SP2: variants seen among roughly 807,000 people sequenced by gnomAD.
The protein encoded by SP2 is transcription factor Sp2.
A neutral mutation model predicts 50.1 loss-of-function variants in SP2; 9 were observed. The ratio of observed to expected loss-of-function variants is 0.18; its 90% CI spans 0.11 to 0.31. The LOEUF is 0.31. Ranked by LOEUF, SP2 falls within the 10% of genes least tolerant of loss-of-function variation. SP2 has a pLI of 1.00. For missense variants in SP2, 581 were observed against 806.5 expected, an observed-to-expected ratio of 0.72 and a Z score of 3.39; for synonymous variants, 313 against 326.6, an observed-to-expected ratio of 0.96 and a Z score of 0.45.
chr17:47,909,243 AC>A (rs1459156905), intron 1 of SP2, among the ~76,000 whole-genome samples: 1 of 152,166 alleles, frequency 6.6e-6, no homozygotes, highest in African/African-American at 2.4e-5. Context: ...TTGTTCTATG[AC>A]TGAACTTTTA....
chr17:47,904,087 C>A (rs1432944319), intron 1 of SP2, among the ~76,000 whole-genome samples: 2 of 151,868 alleles, frequency 1.3e-5, no homozygotes, highest in Non-Finnish European at 2.9e-5. Context: ...ACAGTGAAAC[C>A]CTGTCTCTAC....
Position 47,928,198 on chromosome 17 carries a change from G to A in SP2, c.*374G>A, listed in dbSNP as rs1363151523. On this transcript the variant is annotated 3_prime_UTR_variant, in exon 7 of 7. Transcript: ENST00000376741. ...CCCGATCCCCGCTCCCAACACTGCCGGAGTCGCGTCATGCCATGCCCCCTC... is the reference window on the plus strand; with the variant it reads ...CCCGATCCCCGCTCCCAACACTGCCAGAGTCGCGTCATGCCATGCCCCCTC... The A allele has an allele frequency of 5.4e-5, 9 of 167,126 alleles. 1 individual carries two copies. In the South Asian group the frequency reaches 6.4e-4, roughly 12 times the overall value. 10.4% of individuals were successfully genotyped at this position (167,126 alleles called of 1,614,324 possible).
chr17:47,915,085 C>T (rs1302948871), intron 1 of SP2, among the ~76,000 whole-genome samples: 1 of 151,856 alleles, frequency 6.6e-6, no homozygotes, highest in Admixed American at 6.6e-5. Context: ...ATGGTGGCAG[C>T]GCCTGTAATC....
In SP2 at chr17:47,919,666, A is replaced by G. The variant is rs115762042; in HGVS notation, c.1059+2536A>G. Among the ~76,000 whole-genome samples the G allele has an allele frequency of 4.3e-3, 648 of 152,174 alleles. 5 individuals carry two copies. The highest frequency in any genetic ancestry group is 0.015 in the African/African-American group (628 of 41,518). Reference sequence around the variant, plus strand: ...TTACCACAATACAATCGTCAAACCCAGGAAATTAGCAGTGAAACACACTGC... The same window carrying G: ...TTACCACAATACAATCGTCAAACCCGGGAAATTAGCAGTGAAACACACTGC... On this transcript the variant is annotated intron_variant, in intron 3 of 6. Transcript: ENST00000376741.
chr17:47,896,846 G>A (rs1037100328), intron 1 of SP2, among the ~76,000 whole-genome samples: 39 of 152,184 alleles, frequency 2.6e-4, no homozygotes, highest in African/African-American at 8.7e-4. Context: ...ACGACAGCCC[G>A]GTTACTGATA....
chr17:47,907,353 T>C (rs2034805072), intron 1 of SP2, among the ~76,000 whole-genome samples: 1 of 152,152 alleles, frequency 6.6e-6, no homozygotes, highest in Non-Finnish European at 1.5e-5. Context: ...TGGTTTCCAA[T>C]ATGGGAAAGG....
intron 1 of SP2, chr17:47,909,577 A>G (rs747564723): frequency 1.8e-5 from 6 of 331,226 alleles, no homozygotes; most frequent in Non-Finnish European, 2.6e-5. Flanking sequence ...TTAAAGCCAT[A>G]TATGCCTTTA....
downstream of SP2, among the ~76,000 whole-genome samples, chr17:47,930,126 C>T (rs1423353186): frequency 6.6e-6 from 1 of 152,242 alleles, no homozygotes; most frequent in African/African-American, 2.4e-5. Context: ...ACAGAAGCCT[C>T]TTCCTCAGCC....
At chr17:47,909,674 G>C (rs781712921) in intron 1 of SP2, 1 of 981,856 alleles carries the variant, frequency 1.0e-6, no homozygotes, top group Non-Finnish European at 1.2e-6. Flanking sequence ...AGGGCACTAG[G>C]AGGAGGCTAA....
intron 4 of SP2, among the ~76,000 whole-genome samples, chr17:47,924,559 T>C (rs1265798811): frequency 6.6e-6 from 1 of 152,242 alleles, no homozygotes; most frequent in Non-Finnish European, 1.5e-5. Context: ...GCTGAAATCA[T>C]GTTGGCAATA....
chr17:47,928,061 C>G lies in SP2; in HGVS notation c.*237C>G. The G allele has an allele frequency of 2.0e-6, 1 of 503,436 alleles. No homozygotes were observed. Among genetic ancestry groups the G allele is most frequent in the Non-Finnish European group, 3.6e-6 (1 of 278,132 alleles). 31.2% of individuals were successfully genotyped at this position (503,436 alleles called of 1,614,324 possible). On this transcript the variant is annotated 3_prime_UTR_variant, in exon 7 of 7. Transcript: ENST00000376741. ...TCCCGGCCTGCCCAGACTGTGGACA[C>G]TGGCCGTGCCCAATGAGACGTTCTA...
rs1567704116 is a variant in SP2 at position 47,925,329 on chromosome 17, C to T, written c.1548-19C>T. 1 of 1,604,920 alleles carries T rather than the reference C, an allele frequency of 6.2e-7. No individual in the cohort carries two copies. The highest frequency in any genetic ancestry group is 8.5e-7 in the Non-Finnish European group (1 of 1,174,188). On this transcript the variant is annotated intron_variant, in intron 5 of 6. Transcript: ENST00000376741. ...TCCTCTTCCTATTCCCTCCACTCCA[C>T]CCTCACCCCAATTCTCAGGTCTGGA...
At chr17:47,905,239 A>G (rs950497808) in intron 1 of SP2, among the ~76,000 whole-genome samples, 9 of 152,230 alleles carry the variant, frequency 5.9e-5, no homozygotes, top group African/African-American at 2.2e-4. Context: ...CAGCCAGGGC[A>G]TGCTTTTCCC....
intron 1 of SP2, among the ~76,000 whole-genome samples, chr17:47,904,376 G>A (rs1019649604): frequency 6.6e-6 from 1 of 152,112 alleles, no homozygotes; most frequent in African/African-American, 2.4e-5. Context: ...AGCCTGGTTG[G>A]AGCAGGTTTA....
intron 5 of SP2, 99 bp from the exon 6 acceptor site, chr17:47,925,249 T>G: frequency 7.1e-7 from 1 of 1,413,400 alleles, no homozygotes; most frequent in Non-Finnish European, 9.7e-7. Context: ...CTCTCTGACC[T>G]GACCCCACAT....
At chr17:47,924,207 GACA>G in intron 4 of SP2, among the ~76,000 whole-genome samples, 1 of 151,978 alleles carries the variant, frequency 6.6e-6, no homozygotes, top group Non-Finnish European at 1.5e-5. Context: ...GCACGATCAT[GACA>G]ATGCAGCCTC....
chr17:47,912,104 A>G (rs2035014296), intron 1 of SP2, among the ~76,000 whole-genome samples: 1 of 152,194 alleles, frequency 6.6e-6, no homozygotes, highest in Non-Finnish European at 1.5e-5. Flanking sequence ...CCAAAACCCT[A>G]CAAAAAAGAA....
At chr17:47,926,484 A>G (rs2035656156) in intron 6 of SP2, among the ~76,000 whole-genome samples, 1 of 151,274 alleles carries the variant, frequency 6.6e-6, no homozygotes, top group African/African-American at 2.4e-5. Flanking sequence ...GGCTAATTTT[A>G]AAATTTTTTT....
intron 1 of SP2, among the ~76,000 whole-genome samples, chr17:47,902,028 A>G (rs1293498697): frequency 6.6e-6 from 1 of 152,140 alleles, no homozygotes; most frequent in African/African-American, 2.4e-5. Flanking sequence ...CAAAATGAGG[A>G]TAAGGTAAAA....
Sources: allele counts gnomAD v4.1 joint callset (sites outside exome capture counted in the v4.1 genomes callset), GRCh38; gene constraint gnomAD v4.1.1; transcripts MANE v1.5; gene names NCBI Gene and HGNC (gene_info 2026-07-23, HGNC 2026-07-21).